Variants in AHNAK observed in about 807,000 individuals in gnomAD.
AHNAK encodes the protein neuroblast differentiation-associated protein AHNAK.
In AHNAK, 23 loss-of-function variants were observed where a neutral mutation model predicts 37.8. The ratio of observed to expected loss-of-function variants is 0.61; its 90% CI spans 0.44 to 0.86. The LOEUF is 0.86. Ranked by LOEUF, AHNAK falls within the 40% of genes least tolerant of loss-of-function variation. AHNAK has a pLI of 0.00. For synonymous variants in AHNAK, 2,481 were observed against 2,636.3 expected (o/e 0.94, Z 1.80); for missense variants, 7,411 against 7,319.4 (o/e 1.01, Z -0.46).
rs748048836 is a variant in AHNAK, at chr11:62,531,258, C to T, written c.3159G>A (p.Pro1053=). ...LEGPEGKLKG[P]KFKMPEMHFR... ...AGTGCATCTCAGGCATCTTAAACTT[C>T]GGGCCTTTCAACTTCCCTTCAGGTC... The change falls in exon 5 of 5, where the codon CCG becomes CCA. Residue 1053 remains proline (P), a synonymous_variant. Coordinates refer to ENST00000378024, the MANE Select transcript of AHNAK (RefSeq NM_001620.3). 1.5e-5 allele frequency: 24 copies of T among 1,613,596 alleles called. No homozygotes were observed. The Admixed American group carries it at 2.5e-4, about 17-fold the overall frequency.
At position 62,517,805 on chromosome 11, in the gene AHNAK, C is replaced by T. The variant is rs781567223; in HGVS notation, c.16612G>A (p.Ala5538Thr). 4 of 1,614,082 alleles carry T rather than the reference C, an allele frequency of 2.5e-6. No individual in the cohort carries two copies. The highest frequency in any genetic ancestry group is 8.5e-7 in the Non-Finnish European group (1 of 1,180,042). Residue 5538 changes from alanine (A) to threonine (T), a missense_variant, in exon 5 of 5, where the codon GCT becomes ACT. Transcript: ENST00000378024. The part of the protein sequence containing the change: ...KGSEVGFHGA[A>T]PDISVKGPAF... ...GGCCCCTTCACACTGATATCAGGAG[C>T]AGCCCCATGGAAACCTACTTCTGAA...
intron 1 of AHNAK, among the ~76,000 whole-genome samples, chr11:62,539,654 T>C (rs75076369): frequency 0.047 from 7,204 of 152,310 alleles, 300 homozygotes; most frequent in African/African-American, 0.1. Context: ...CCAGGACAGA[T>C]GCAACCTACG....
At chr11:62,491,904 C>G in intron 4 of AHNAK, 2 of 1,363,784 alleles carry the variant, frequency 1.5e-6, no homozygotes, top group Non-Finnish European at 2.0e-6. Flanking sequence ...CAAATGCCTA[C>G]TATGGGTGTA....
In AHNAK at chr11:62,530,029, G is replaced by A. The variant is rs1182048658; in HGVS notation, c.4388C>T (p.Pro1463Leu). Reference protein sequence around the residue: ...IPDVGLHLKGPKMKGDYDVTV... With the variant: ...IPDVGLHLKGLKMKGDYDVTV... ...TACATCATAATCTCCTTTCATTTTA[G>A]GACCTTTCAAATGCAAACCAACATC... The change falls in exon 5 of 5, where the codon CCT becomes CTT. Residue 1463 changes from proline (P) to leucine (L), a missense_variant. Physicochemically the swap from Pro to Leu is moderately conservative, Grantham distance 98. Coordinates refer to ENST00000378024, the MANE Select transcript of AHNAK (RefSeq NM_001620.3). The A allele has an allele frequency of 1.9e-6, 3 of 1,613,892 alleles. No homozygotes were observed. The South Asian group carries it at 3.3e-5, about 18-fold the overall frequency.
rs546062186 is a variant in AHNAK at position 62,534,178 on chromosome 11, G to A, written c.343-104C>T. ...AACACGTTGCCTGTTTCCCAGAGAA[G>A]CTGGGACCAAAACAGAGGTCCATGG... On this transcript the variant is annotated intron_variant, in intron 4 of 4. Transcript: ENST00000378024. The A allele has an allele frequency of 6.3e-6, 8 of 1,263,882 alleles. No homozygotes were observed. The African/African-American group carries it at 7.5e-5, about 12-fold the overall frequency. The allele number at this position is 1,263,882 out of a possible 1,614,324, so 78.3% of individuals were successfully genotyped here.
At chr11:62,458,532 T>C (rs1938716788) in intron 5 of AHNAK, among the ~76,000 whole-genome samples, 1 of 152,090 alleles carries the variant, frequency 6.6e-6, no homozygotes, top group East Asian at 1.9e-4. Context: ...CCCCTTATAA[T>C]CAACAAAGCC....
chr11:62,476,438 C>T (rs55746224), intron 5 of AHNAK, among the ~76,000 whole-genome samples: 2 of 152,280 alleles, frequency 1.3e-5, no homozygotes, highest in Non-Finnish European at 2.9e-5. Context: ...AGATGAGGAG[C>T]GTCGTGGCGC....
chr11:62,517,337 C>T lies in AHNAK; in HGVS notation c.17080G>A (p.Gly5694Ser). The T allele has an allele frequency of 6.2e-7, 1 of 1,614,218 alleles. No individual in the cohort carries two copies. Among genetic ancestry groups the T allele is most frequent in the East Asian group, 2.2e-5 (1 of 44,884 alleles). Residue 5694 changes from glycine to serine, a missense_variant, in exon 5 of 5, where the codon GGT becomes AGT. Gly to Ser is a moderately conservative substitution (Grantham distance 56). Coordinates refer to ENST00000378024, the MANE Select transcript of AHNAK (RefSeq NM_001620.3). ...TCTTCCCACTCGCCGTCTCCAGCAC[C>T]AGCTTGGATGCTGGCCTCTGCTTTA... ...FPKAEASIQAGAGDGEWEESE... is the reference protein window; with the variant it reads ...FPKAEASIQASAGDGEWEESE...
chr11:62,494,564 C>T (rs1353843852), intron 4 of AHNAK, among the ~76,000 whole-genome samples: 1 of 151,944 alleles, frequency 6.6e-6, no homozygotes, highest in East Asian at 1.9e-4. Context: ...CTAGATGGTA[C>T]AGCTAGAAAG....
intron 4 of AHNAK, among the ~76,000 whole-genome samples, chr11:62,499,475 C>T (rs57799986): frequency 0.041 from 6,189 of 152,142 alleles, 419 homozygotes; most frequent in African/African-American, 0.14. Flanking sequence ...CGCTTGAACC[C>T]GGGAGGCGGA....
At chr11:62,458,418 C>T (rs1938714796) in intron 5 of AHNAK, among the ~76,000 whole-genome samples, 1 of 152,054 alleles carries the variant, frequency 6.6e-6, no homozygotes, top group Non-Finnish European at 1.5e-5. Context: ...CAGAGTGCAC[C>T]ACGGTTCTGA....
At position 62,521,336 on chromosome 11, in the gene AHNAK, T is replaced by C. The variant is rs1215895946; in HGVS notation, c.13081A>G (p.Ile4361Val). ...TTGAGTTTTGCATCTGGACCTTCGATACTGACATCAGGGGCATCAATGTCC... is the reference window on the plus strand; with the variant it reads ...TTGAGTTTTGCATCTGGACCTTCGACACTGACATCAGGGGCATCAATGTCC... ...KVDIDAPDVS[I>V]EGPDAKLKGP... The change falls in exon 5 of 5, where the codon ATC (isoleucine) becomes GTC (valine). Residue 4361 changes from isoleucine (I) to valine (V), a missense_variant. Physicochemically the swap from Ile to Val is conservative, Grantham distance 29 (BLOSUM62 3). Transcript: ENST00000378024. 6.2e-7 allele frequency: 1 copy of C among 1,613,716 alleles called. No individual in the cohort carries two copies. The highest frequency in any genetic ancestry group is 1.1e-5 in the South Asian group (1 of 91,044).
rs1565226652 is a variant in AHNAK at position 62,520,802 on chromosome 11, T to A, written c.13615A>T (p.Ile4539Phe). 1 of 1,614,026 alleles carries A rather than the reference T, an allele frequency of 6.2e-7. No homozygotes were observed. The highest frequency in any genetic ancestry group is 8.5e-7 in the Non-Finnish European group (1 of 1,179,992). The change falls in exon 5 of 5, where the codon ATT (isoleucine) becomes TTT (phenylalanine). Residue 4539 changes from isoleucine (I) to phenylalanine (F), a missense_variant. Coordinates refer to ENST00000378024, the MANE Select transcript of AHNAK (RefSeq NM_001620.3). ...KGPKIKGDMD[I>F]SVPKLEGDLK... ...TCTCCCTCCAGTTTAGGAACGGAAA[T>A]GTCCATATCTCCTTTTATCTTAGGT...
In AHNAK at chr11:62,528,937, G is replaced by C; in HGVS notation, c.5480C>G (p.Pro1827Arg). ...VKGPFVEAEV[P>R]DVDLECPDAK... Reference sequence around the variant, plus strand: ...ATCAGGACACTCCAGATCAACATCGGGCACCTCCGCTTCCACAAAAGGACC... The same window carrying C: ...ATCAGGACACTCCAGATCAACATCGCGCACCTCCGCTTCCACAAAAGGACC... The change falls in exon 5 of 5, where the codon CCC becomes CGC. Residue 1827 changes from proline to arginine, a missense_variant. Transcript: ENST00000378024. 6.2e-7 allele frequency: 1 copy of C among 1,614,064 alleles called. No individual in the cohort carries two copies. The highest frequency in any genetic ancestry group is 1.3e-5 in the African/African-American group (1 of 74,982).
In AHNAK at chr11:62,523,233, G is replaced by T. The variant is rs1346265340; in HGVS notation, c.11184C>A (p.Phe3728Leu). The change falls in exon 5 of 5, where the codon TTC becomes TTA. Residue 3728 changes from phenylalanine to leucine, a missense_variant. By Grantham distance (22) the Phe-to-Leu change is conservative. Transcript: ENST00000378024. Reference protein sequence around the residue: ...DINIEGSEGKFKGPKFKIPEM... With the variant: ...DINIEGSEGKLKGPKFKIPEM... ...CTGGTATCTTAAATTTGGGTCCCTT[G>T]AATTTACCCTCTGAGCCTTCGATGT... 1 of 1,612,306 alleles carries T rather than the reference G, an allele frequency of 6.2e-7. No homozygotes were observed. The highest frequency in any genetic ancestry group is 1.1e-5 in the South Asian group (1 of 90,998).
At chr11:62,499,646 A>G (rs1325152473) in intron 4 of AHNAK, among the ~76,000 whole-genome samples, 4 of 152,134 alleles carry the variant, frequency 2.6e-5, no homozygotes, top group African/African-American at 7.2e-5. Context: ...ACCAAGCCAC[A>G]AAGGGGAAAG....
In AHNAK at chr11:62,520,672, T is replaced by G. The variant is rs1366737897; in HGVS notation, c.13745A>C (p.Lys4582Thr). 1 of 1,614,124 alleles carries G rather than the reference T, an allele frequency of 6.2e-7. No individual in the cohort carries two copies. The highest frequency in any genetic ancestry group is 2.2e-5 in the East Asian group (1 of 44,876). Residue 4582 changes from lysine (K) to threonine (T), a missense_variant, in exon 5 of 5, where the codon AAA becomes ACA. Coordinates refer to ENST00000378024, the MANE Select transcript of AHNAK (RefSeq NM_001620.3). ...PEGKLKGPKF[K>T]MPDLHLKAPK... is the part of the protein sequence containing the mutation. ...TGCCTTGAGGTGTAAGTCAGGCATTTTAAATTTGGGGCCCTTCAGTTTCCC... is the reference window on the plus strand; with the variant it reads ...TGCCTTGAGGTGTAAGTCAGGCATTGTAAATTTGGGGCCCTTCAGTTTCCC...
chr11:62,484,508 G>T (rs745688494), intron 5 of AHNAK, among the ~76,000 whole-genome samples: 3 of 152,224 alleles, frequency 2.0e-5, no homozygotes, highest in Non-Finnish European at 4.4e-5. Context: ...GGAAGACTTT[G>T]TCAAGGGGAA....
chr11:62,433,659 A>G (rs2259606), exon 6 of AHNAK: 95,383 of 603,780 alleles, frequency 0.16, 8,485 homozygotes, highest in African/African-American at 0.31. Flanking sequence ...CCTTGCAAGT[A>G]AAGAAATGCA....
Sources: gnomAD v4.1 joint callset for allele counts (sites outside exome capture counted in the v4.1 genomes callset) on GRCh38, gnomAD v4.1.1 for gene constraint, MANE v1.5 for transcripts, NCBI Gene and HGNC (gene_info 2026-07-23, HGNC 2026-07-21) for gene names.